Variants in PLXNA1 observed in about 807,000 individuals in gnomAD.
PLXNA1 encodes plexin A1, also known as plexin-A1.
PLXNA1 carries 77 observed loss-of-function variants against 191.7 expected under a neutral mutation model. The observed-to-expected ratio is 0.40, with a 90% CI of 0.33 to 0.49. The LOEUF (loss-of-function observed/expected upper bound fraction) is 0.49. Ranked by LOEUF, PLXNA1 falls within the 20% of genes least tolerant of loss-of-function variation. PLXNA1 has a pLI of 0.63. For missense variants in PLXNA1, 2,110 were observed against 2,660.2 expected (o/e 0.79, Z 4.55); for synonymous variants, 1,137 against 1,156.4 (o/e 0.98, Z 0.34).
intron 3 of PLXNA1, among the ~76,000 whole-genome samples, chr3:126,992,947 A>G (rs1350828194): frequency 6.6e-6 from 1 of 152,118 alleles, no homozygotes; most frequent in East Asian, 1.9e-4. Context: ...GTTTTGCCAG[A>G]CAGAGGACCG....
At position 126,988,590 on chromosome 3, in the gene PLXNA1, T is replaced by C; in HGVS notation, c.-4T>C. 1.3e-6 allele frequency: 2 copies of C among 1,492,918 alleles called. No homozygotes were observed. Among genetic ancestry groups the C allele is most frequent in the Admixed American group, 2.4e-5 (1 of 42,370 alleles). The allele number at this position is 1,492,918 out of a possible 1,614,324, so 92.5% of individuals were successfully genotyped here. A position where few individuals can be genotyped will look rare whatever the true frequency, so the allele number is the denominator to read the frequency against. On this transcript the variant is annotated 5_prime_UTR_variant, in exon 2 of 32. Coordinates refer to ENST00000393409, the MANE Select transcript of PLXNA1 (RefSeq NM_032242.4). ...AGCACCGAGGCCCAAGGCCCCAGCC[T>C]GCCATGCCGCTGCCACCGCGGAGCC...
intron 3 of PLXNA1, among the ~76,000 whole-genome samples, chr3:127,002,923 G>A (rs1011637713): frequency 2.6e-5 from 4 of 151,986 alleles, no homozygotes; most frequent in East Asian, 1.9e-4. Context: ...CTCTGCCCCC[G>A]ACAACCAACA....
At chr3:127,005,963 C>T (rs982523837) in intron 7 of PLXNA1, 116 bp from the exon 8 acceptor site, 40 of 778,354 alleles carry the variant, frequency 5.1e-5, no homozygotes, top group South Asian at 2.2e-4. Context: ...GTGTTTGATG[C>T]GACTGATGGT....
chr3:127,007,950 G>A, intron 9 of PLXNA1, 37 bp downstream of exon 9: 1 of 1,449,738 alleles, frequency 6.9e-7, no homozygotes, highest in Non-Finnish European at 9.6e-7. Context: ...GGTTTTCAGA[G>A]GTGGAGCAGA....
chr3:127,021,035 A>G (rs2079149971), intron 21 of PLXNA1, among the ~76,000 whole-genome samples: 1 of 152,186 alleles, frequency 6.6e-6, no homozygotes, highest in African/African-American at 2.4e-5. Context: ...GGGGCTCGGC[A>G]GGTTAGCTCA....
chr3:126,994,042 G>T (rs548884558), intron 3 of PLXNA1, among the ~76,000 whole-genome samples: 1 of 152,176 alleles, frequency 6.6e-6, no homozygotes, highest in African/African-American at 2.4e-5. Flanking sequence ...TGGCATGCTC[G>T]TGTGGCCTGG....
intron 3 of PLXNA1, among the ~76,000 whole-genome samples, chr3:126,992,645 G>T (rs1458585626): frequency 1.1e-4 from 16 of 152,082 alleles, no homozygotes; most frequent in Admixed American, 1.0e-3. Flanking sequence ...GGGGGGTGCT[G>T]GTGGTCTTGG....
rs2078938425 is a variant in PLXNA1, at chr3:126,983,118, C to T, written c.-243C>T. Among the ~76,000 whole-genome samples, 1 of 145,622 alleles carries T rather than the reference C, an allele frequency of 6.9e-6. No individual in the cohort carries two copies. The highest frequency in any genetic ancestry group is 1.5e-5 in the Non-Finnish European group (1 of 65,566). On this transcript the variant is annotated 5_prime_UTR_variant, in exon 1 of 32. Coordinates refer to ENST00000393409, the MANE Select transcript of PLXNA1 (RefSeq NM_032242.4). The stretch of plus-strand genomic sequence containing the variant: ...GCCGCGCGGCGCTCGGCGCCCCATT[C>T]ATGCTGGGCATCGGCTGCGCGGCCA...
chr3:126,989,307 GT>G lies in PLXNA1; in HGVS notation c.716del (p.Phe239SerfsTer25). 3.1e-6 allele frequency: 5 copies of G among 1,613,702 alleles called. No homozygotes were observed. The highest frequency in any genetic ancestry group is 4.2e-6 in the Non-Finnish European group (5 of 1,180,040). ...AGATCCCTTCGGACACGCTGTCCAA[GT>G]TCCCGGCCTTTGACATCTACTATGT... is the stretch of plus-strand genomic sequence containing the variant. The part of the protein sequence containing the change: ...LKIPSDTLSK[F>X]PAFDIYYVYS... On this transcript the variant is annotated frameshift_variant, in exon 2 of 32. Coordinates refer to ENST00000393409, the MANE Select transcript of PLXNA1 (RefSeq NM_032242.4). LOFTEE classifies it high-confidence loss of function.
intron 10 of PLXNA1, among the ~76,000 whole-genome samples, 195 bp from the exon 11 acceptor site, chr3:127,013,825 A>G (rs1559960954): frequency 1.3e-5 from 2 of 152,214 alleles, no homozygotes; most frequent in Non-Finnish European, 2.9e-5. Context: ...AGGGCACCTC[A>G]TATGGTTGCT....
At position 127,022,614 on chromosome 3, in the gene PLXNA1, T is replaced by C. The variant is rs1576687846; in HGVS notation, c.4296-138T>C. 3 of 788,504 alleles carry C rather than the reference T, an allele frequency of 3.8e-6. No individual in the cohort carries two copies. In the East Asian group the frequency reaches 8.4e-5, roughly 22 times the overall value. 48.8% of individuals were successfully genotyped at this position (788,504 alleles called of 1,614,324 possible). A position where few individuals can be genotyped will look rare whatever the true frequency, so the allele number is the denominator to read the frequency against. On this transcript the variant is annotated intron_variant, in intron 22 of 31. Coordinates refer to ENST00000393409, the MANE Select transcript of PLXNA1 (RefSeq NM_032242.4). Reference sequence around the variant, plus strand: ...AGCGCCTGCTGCCCACTCATGTGGGTGCCTTTCGAGACCTGACCTTCGGTG... The same window carrying C: ...AGCGCCTGCTGCCCACTCATGTGGGCGCCTTTCGAGACCTGACCTTCGGTG...
At chr3:127,029,714 G>C (rs925606754) in intron 27 of PLXNA1, among the ~76,000 whole-genome samples, 160 bp from the exon 28 acceptor site, 1 of 152,230 alleles carries the variant, frequency 6.6e-6, no homozygotes, top group East Asian at 1.9e-4. Context: ...CCTCGCGACT[G>C]TGTGTCCGTA....
At chr3:127,027,394 GAC>G (rs2079181669) in intron 23 of PLXNA1, 1 of 354,508 alleles carries the variant, frequency 2.8e-6, no homozygotes, top group South Asian at 2.2e-5. Context: ...CAGTATCCAT[GAC>G]ACACCATAGT....
intron 10 of PLXNA1, 97 bp from the exon 11 acceptor site, chr3:127,013,923 C>A: frequency 1.9e-6 from 2 of 1,072,812 alleles, no homozygotes; most frequent in Non-Finnish European, 1.4e-6. Flanking sequence ...GCAGAAACTT[C>A]CCCCTAAGCT....
intron 9 of PLXNA1, among the ~76,000 whole-genome samples, chr3:127,009,375 G>A (rs904773109): frequency 1.3e-5 from 2 of 152,010 alleles, no homozygotes; most frequent in Non-Finnish European, 2.9e-5. Flanking sequence ...TGGGGAGGCA[G>A]AGCAGGCAGG....
At chr3:127,018,920 G>A (rs944124236) in intron 20 of PLXNA1, among the ~76,000 whole-genome samples, 6 of 152,280 alleles carry the variant, frequency 3.9e-5, no homozygotes, top group Admixed American at 6.5e-5. Context: ...TGGTGCCAGC[G>A]GAGCAGCAGA....
chr3:126,999,892 G>A (rs2079031552), intron 3 of PLXNA1, among the ~76,000 whole-genome samples: 1 of 152,140 alleles, frequency 6.6e-6, no homozygotes, highest in South Asian at 2.1e-4. Context: ...CCTCGGGACT[G>A]CACTTCGGTC....
At chr3:127,010,783 AC>A (rs1202023733) in intron 9 of PLXNA1, among the ~76,000 whole-genome samples, 2 of 152,162 alleles carry the variant, frequency 1.3e-5, no homozygotes, top group African/African-American at 4.8e-5. Flanking sequence ...TCCTGAACTT[AC>A]GGGCACCAAC....
At chr3:127,026,835 AC>A (rs75932401) in intron 23 of PLXNA1, 10,222 of 152,364 alleles carry the variant, frequency 0.067, 378 homozygotes, top group African/African-American at 0.1. Flanking sequence ...CCTACAGTGG[AC>A]CCCATGCCCA....
Sources: allele counts gnomAD v4.1 joint callset (sites outside exome capture counted in the v4.1 genomes callset), GRCh38; gene constraint gnomAD v4.1.1; transcripts MANE v1.5; gene names NCBI Gene and HGNC (gene_info 2026-07-23, HGNC 2026-07-21).